Variants in CREB5 observed in about 807,000 individuals in gnomAD.
The protein encoded by CREB5 is cyclic AMP-responsive element-binding protein 5.
A neutral mutation model predicts 57.1 loss-of-function variants in CREB5; 19 were observed. The observed-to-expected ratio is 0.33, with a 90% CI of 0.23 to 0.49. The LOEUF is 0.49. Among genes scored for constraint, CREB5 ranks in the 20% least tolerant of loss-of-function variants. The probability of loss-of-function intolerance (pLI) is 0.99; values close to 1 mark genes in which losing one functional copy is unlikely to be tolerated. For synonymous variants in CREB5, 238 were observed against 238.3 expected (o/e 1.00, Z 0.01); for missense variants, 579 against 671.6 (o/e 0.86, Z 1.52).
At chr7:28,395,134 CT>C (rs907691321) in intron 1 of CREB5, among the ~76,000 whole-genome samples, 60 of 152,234 alleles carry the variant, frequency 3.9e-4, no homozygotes, top group African/African-American at 1.4e-3. Context: ...GGAAAATTGT[CT>C]ATATTAGGGT....
chr7:28,806,503 T>C (rs1273545105), intron 8 of CREB5, among the ~76,000 whole-genome samples: 1 of 152,216 alleles, frequency 6.6e-6, no homozygotes, highest in Non-Finnish European at 1.5e-5. Context: ...TTTGAAATTA[T>C]AATTTATTAC....
rs10602736 is a variant in CREB5, at chr7:28,390,936, GAATATAATAT to G, written c.-25+91512_-25+91521del. 1.5e-4 allele frequency among the ~76,000 whole-genome samples: 23 copies of G among 150,738 alleles called. No individual in the cohort carries two copies. The South Asian group carries it at 3.8e-3, about 25-fold the overall frequency. On this transcript the variant is annotated intron_variant, in intron 1 of 9. Coordinates refer to the CREB5 transcript ENST00000396299. The stretch of plus-strand genomic sequence containing the variant: ...CTTTTAACTCTTTGAAAGATGGGTT[GAATATAATAT>G]AATATAATATAATATATGTATAGCA...
chr7:28,536,115 C>T (rs960631328), intron 4 of CREB5, among the ~76,000 whole-genome samples: 1 of 152,164 alleles, frequency 6.6e-6, no homozygotes, highest in Non-Finnish European at 1.5e-5. Context: ...GCAGAGAAAA[C>T]ACGCTGTCTG....
At chr7:28,548,946 G>A (rs1473150268) in intron 4 of CREB5, among the ~76,000 whole-genome samples, 1 of 152,062 alleles carries the variant, frequency 6.6e-6, no homozygotes, top group African/African-American at 2.4e-5. Flanking sequence ...TACTTAATAA[G>A]CATGGAAGCA....
intron 1 of CREB5, among the ~76,000 whole-genome samples, chr7:28,462,080 C>T (rs556137253): frequency 5.9e-5 from 9 of 152,032 alleles, no homozygotes; most frequent in Non-Finnish European, 1.3e-4. Flanking sequence ...CATTATTTTC[C>T]CCTCATAGCC....
chr7:28,353,404 G>T (rs1786274962), intron 1 of CREB5, among the ~76,000 whole-genome samples: 1 of 152,202 alleles, frequency 6.6e-6, no homozygotes. Context: ...CAGTTAACTT[G>T]GCCTTGGAGT....
chr7:28,724,731 T>C (rs1354343263), intron 7 of CREB5: 3 of 157,592 alleles, frequency 1.9e-5, no homozygotes, highest in African/African-American at 7.2e-5. Context: ...GACAGAAGCT[T>C]GATGCTTAAA....
intron 7 of CREB5, among the ~76,000 whole-genome samples, chr7:28,797,235 T>G (rs944952193): frequency 6.6e-6 from 1 of 152,210 alleles, no homozygotes; most frequent in Non-Finnish European, 1.5e-5. Context: ...TTGCTTACAT[T>G]AGATCCGCTG....
At chr7:28,498,130 C>A (rs557994693) in intron 3 of CREB5, among the ~76,000 whole-genome samples, 80 of 152,192 alleles carry the variant, frequency 5.3e-4, no homozygotes, top group African/African-American at 1.8e-3. Context: ...GGAAAACAAA[C>A]AAACATGCTC....
At chr7:28,606,011 C>G (rs1159150409) in intron 5 of CREB5, among the ~76,000 whole-genome samples, 2 of 152,116 alleles carry the variant, frequency 1.3e-5, no homozygotes, top group Admixed American at 6.6e-5. Flanking sequence ...ATAAATTTCA[C>G]TATATGCAAT....
At chr7:28,396,992 G>T (rs889581104) in intron 1 of CREB5, among the ~76,000 whole-genome samples, 1 of 152,138 alleles carries the variant, frequency 6.6e-6, no homozygotes, top group Non-Finnish European at 1.5e-5. Context: ...ATACATCTTA[G>T]ATGCCATAAG....
rs756357339 is a variant in CREB5, at chr7:28,560,885, T to TGCGC, written c.292-9477_292-9476insCGCG. Among the ~76,000 whole-genome samples, 63 of 26,476 alleles carry TGCGC rather than the reference T, an allele frequency of 2.4e-3. 4 individuals are homozygous for TGCGC. The highest frequency in any genetic ancestry group is 4.8e-3 in the African/African-American group (30 of 6,296). The allele number at this position is 26,476 out of a possible 152,430, so 17.4% of individuals were successfully genotyped here. On this transcript the variant is annotated intron_variant, in intron 4 of 10. Transcript: ENST00000357727. The stretch of plus-strand genomic sequence containing the variant: ...GTGTGCCTGCGTGCGCGTGCGTGCG[T>TGCGC]GCGTGTGTGTGCGTGCGCGCGTGCG...
At chr7:28,777,180 C>A (rs1459178125) in intron 7 of CREB5, among the ~76,000 whole-genome samples, 1 of 152,210 alleles carries the variant, frequency 6.6e-6, no homozygotes. Flanking sequence ...GAACTCAACA[C>A]CCCAAAGACA....
intron 1 of CREB5, among the ~76,000 whole-genome samples, chr7:28,317,299 A>G (rs1785402121): frequency 6.6e-6 from 1 of 152,176 alleles, no homozygotes; most frequent in South Asian, 2.1e-4. Flanking sequence ...CCAGCAGTGA[A>G]AACCTTTGAA....
At chr7:28,537,035 C>G (rs1583594112) in intron 4 of CREB5, among the ~76,000 whole-genome samples, 1 of 152,320 alleles carries the variant, frequency 6.6e-6, no homozygotes, top group East Asian at 1.9e-4. Flanking sequence ...AAGCTTAATG[C>G]TTACAGTCCT....
At chr7:28,795,675 T>G (rs1233821454) in intron 7 of CREB5, among the ~76,000 whole-genome samples, 2 of 152,194 alleles carry the variant, frequency 1.3e-5, no homozygotes, top group Non-Finnish European at 2.9e-5. Flanking sequence ...AGAAAAGACA[T>G]TCTTCTTTTG....
chr7:28,652,146 A>G (rs1799151888), intron 5 of CREB5, among the ~76,000 whole-genome samples: 1 of 152,212 alleles, frequency 6.6e-6, no homozygotes. Flanking sequence ...ATTTTAAGGT[A>G]AACTGATAGC....
intron 5 of CREB5, among the ~76,000 whole-genome samples, chr7:28,697,598 T>G (rs1801641859): frequency 6.6e-6 from 1 of 151,872 alleles, no homozygotes; most frequent in Admixed American, 6.6e-5. Flanking sequence ...CAATGATTAA[T>G]TTATTTCTTA....
intron 7 of CREB5, among the ~76,000 whole-genome samples, chr7:28,757,270 T>C (rs547275914): frequency 4.6e-5 from 7 of 152,220 alleles, no homozygotes; most frequent in Admixed American, 1.3e-4. Flanking sequence ...AGTTAGTAAG[T>C]AGCAGAGCTG....
Sources: allele counts gnomAD v4.1 joint callset (sites outside exome capture counted in the v4.1 genomes callset), GRCh38; gene constraint gnomAD v4.1.1; transcripts MANE v1.5; gene names NCBI Gene and HGNC (gene_info 2026-07-23, HGNC 2026-07-21).